Variants in PNKD observed in about 807,000 individuals in gnomAD.
PNKD encodes PNKD metallo-beta-lactamase domain containing.
PNKD carries 36 observed loss-of-function variants against 45.3 expected under a neutral mutation model. The observed-to-expected ratio is 0.80, with a 90% confidence interval of 0.61 to 1.05. The LOEUF (loss-of-function observed/expected upper bound fraction) is 1.05. Among genes scored for constraint, PNKD ranks in the 50% least tolerant of loss-of-function variants. The pLI is 0.00. For synonymous variants in PNKD, 197 were observed against 210.1 expected (o/e 0.94, Z 0.54); for missense variants, 511 against 506.6 (o/e 1.01, Z -0.08).
chr2:218,301,539 A>G lies in PNKD; in HGVS notation c.236+29990A>G, dbSNP rs1693270848. On this transcript the variant is annotated intron_variant, in intron 2 of 9. Transcript: ENST00000273077. ...CAATGGCTCACACCTGTAATTCTGC[A>G]TTTTAGCCAGGCCCAGGCAGAAGCA... Among the ~76,000 whole-genome samples the G allele has an allele frequency of 2.0e-5, 3 of 152,150 alleles. No homozygotes were observed. In the South Asian group the frequency reaches 6.2e-4, roughly 31 times the overall value.
chr2:218,303,509 G>A (rs1693325945), intron 2 of PNKD, among the ~76,000 whole-genome samples: 1 of 151,616 alleles, frequency 6.6e-6, no homozygotes, highest in Non-Finnish European at 1.5e-5. Flanking sequence ...AAGATGAAAG[G>A]TGGTGGCACC....
chr2:218,294,524 A>T (rs1236316523), intron 2 of PNKD, among the ~76,000 whole-genome samples: 1 of 152,026 alleles, frequency 6.6e-6, no homozygotes, highest in Non-Finnish European at 1.5e-5. Context: ...ATGGAATCTC[A>T]CTCTGTGCAA....
At chr2:218,282,669 G>C (rs1440010764) in intron 2 of PNKD, among the ~76,000 whole-genome samples, 1 of 152,220 alleles carries the variant, frequency 6.6e-6, no homozygotes, top group Non-Finnish European at 1.5e-5. Flanking sequence ...CTGGGTTGGA[G>C]CCAAGGCTCA....
chr2:218,272,901 A>AG, intron 2 of PNKD: 5 of 1,557,082 alleles, frequency 3.2e-6, no homozygotes, highest in Non-Finnish European at 4.3e-6. Flanking sequence ...CACACCAAGG[A>AG]GCCAGCCAAA....
At chr2:218,323,074 C>A in intron 2 of PNKD, 1 of 912,314 alleles carries the variant, frequency 1.1e-6, no homozygotes, top group Non-Finnish European at 1.5e-6. Flanking sequence ...GCCCCCCAAG[C>A]CGGGTGGCCT....
chr2:218,291,980 C>T (rs1692958601), intron 2 of PNKD, among the ~76,000 whole-genome samples: 1 of 151,886 alleles, frequency 6.6e-6, no homozygotes, highest in African/African-American at 2.4e-5. Context: ...CTGTCTACAC[C>T]GAGACTGGCC....
At position 218,274,444 on chromosome 2, in the gene PNKD, GACAA is replaced by G. The variant is rs3830501; in HGVS notation, c.236+2899_236+2902del. Reference sequence around the variant, plus strand: ...TCAGAAATCCCCCAGTGCAACTTAAGACAAACAGAGAGAAGTCACCTTCCTCTTA... The same window carrying G: ...TCAGAAATCCCCCAGTGCAACTTAAGACAGAGAGAAGTCACCTTCCTCTTA... On this transcript the variant is annotated intron_variant, in intron 2 of 9. Coordinates refer to ENST00000273077, the MANE Select transcript of PNKD (RefSeq NM_015488.5). 65 of 154,192 alleles carry G rather than the reference GACAA, an allele frequency of 4.2e-4. 2 individuals are homozygous for G. The South Asian group carries it at 7.2e-3, about 17-fold the overall frequency. The allele number at this position is 154,192 out of a possible 1,614,324, so 9.6% of individuals were successfully genotyped here. A position where few individuals can be genotyped will look rare whatever the true frequency, so the allele number is the denominator to read the frequency against.
In PNKD at chr2:218,344,884, TGGGGCC is replaced by T; in HGVS notation, c.1071_1076del (p.Gly359_Pro360del). The T allele has an allele frequency of 6.2e-7, 1 of 1,614,002 alleles. No homozygotes were observed. ...CACTGCCTGGCGCTACAGGAGGCTC[TGGGGCC>T]GGGGCCGGGCCCCACTGGGGATGAT... On this transcript the variant is annotated inframe_deletion, in exon 10 of 10. Coordinates refer to ENST00000273077, the MANE Select transcript of PNKD (RefSeq NM_015488.5).
At chr2:218,303,735 C>A (rs1277375949) in intron 2 of PNKD, among the ~76,000 whole-genome samples, 8 of 151,826 alleles carry the variant, frequency 5.3e-5, no homozygotes, top group Non-Finnish European at 2.9e-5. Context: ...ACCACCATGC[C>A]CAGCTAATTT....
rs758791360 is a variant in PNKD at position 218,341,583 on chromosome 2, C to T, written c.574C>T (p.Arg192Trp). 3.9e-5 allele frequency: 63 copies of T among 1,597,406 alleles called. No individual in the cohort carries two copies. Among genetic ancestry groups the T allele is most frequent in the Non-Finnish European group, 5.0e-5 (59 of 1,172,290 alleles). The change falls in exon 6 of 10, where the codon CGG (arginine) becomes TGG (tryptophan). Residue 192 changes from arginine (R) to tryptophan (W), a missense_variant. Coordinates refer to ENST00000273077, the MANE Select transcript of PNKD (RefSeq NM_015488.5). ...CCTCAGCCGGCGGCACCGGGACTGT[C>T]GGGTGTACGGGAGCCCTCAGGACGG... The part of the protein sequence containing the change: ...RDLSRRHRDC[R>W]VYGSPQDGIP...
At chr2:218,297,541 C>T (rs1417444733) in intron 2 of PNKD, among the ~76,000 whole-genome samples, 1 of 151,808 alleles carries the variant, frequency 6.6e-6, no homozygotes, top group Non-Finnish European at 1.5e-5. Context: ...AACAATTAGC[C>T]AAGTGTGGTG....
chr2:218,293,186 C>A (rs1693038009), intron 2 of PNKD, among the ~76,000 whole-genome samples: 1 of 152,214 alleles, frequency 6.6e-6, no homozygotes, highest in Non-Finnish European at 1.5e-5. Flanking sequence ...ATTCAGAAGT[C>A]CTACATTGAG....
At chr2:218,279,908 G>C in intron 2 of PNKD, 3 of 782,262 alleles carry the variant, frequency 3.8e-6, no homozygotes, top group Non-Finnish European at 6.8e-6. Context: ...GGCTAGAGAA[G>C]ACAGGCAGCC....
At chr2:218,331,451 C>CTTTTTA (rs949353363) in intron 2 of PNKD, among the ~76,000 whole-genome samples, 1 of 151,198 alleles carries the variant, frequency 6.6e-6, no homozygotes, top group Non-Finnish European at 1.5e-5. Flanking sequence ...GTTTTGCATG[C>CTTTTTA]TTTTTATTTT....
chr2:218,324,704 G>A (rs925363317), intron 2 of PNKD, among the ~76,000 whole-genome samples: 2 of 152,044 alleles, frequency 1.3e-5, no homozygotes, highest in Non-Finnish European at 2.9e-5. Flanking sequence ...GGAGGCTGAG[G>A]CAGGTGGCTC....
At chr2:218,312,888 A>G (rs981674837) in intron 2 of PNKD, among the ~76,000 whole-genome samples, 2 of 151,946 alleles carry the variant, frequency 1.3e-5, no homozygotes, top group Non-Finnish European at 2.9e-5. Context: ...AAACAAACAA[A>G]AAAACCCTCT....
intron 2 of PNKD, among the ~76,000 whole-genome samples, chr2:218,307,276 A>G (rs1451154510): frequency 6.6e-6 from 1 of 151,954 alleles, no homozygotes; most frequent in African/African-American, 2.4e-5. Flanking sequence ...ATTCAAGCGC[A>G]TTACATTTAT....
At chr2:218,272,683 G>A (rs1305223692) in intron 2 of PNKD, 5 of 1,614,104 alleles carry the variant, frequency 3.1e-6, no homozygotes, top group African/African-American at 1.3e-5. Flanking sequence ...TCCAACACGG[G>A]CGAGTATGAG....
chr2:218,271,939 ATAT>A (rs1450633033), intron 2 of PNKD, among the ~76,000 whole-genome samples: 2 of 152,234 alleles, frequency 1.3e-5, no homozygotes, highest in African/African-American at 4.8e-5. Flanking sequence ...ACCTTAATAC[ATAT>A]TATTGACCAA....
Sources: gnomAD v4.1 joint callset for allele counts (sites outside exome capture counted in the v4.1 genomes callset) on GRCh38, gnomAD v4.1.1 for gene constraint, MANE v1.5 for transcripts, NCBI Gene and HGNC (gene_info 2026-07-23, HGNC 2026-07-21) for gene names.